Variants in LRRC4C observed in about 807,000 individuals in gnomAD.
The protein encoded by LRRC4C is leucine rich repeat containing 4C, also known as leucine-rich repeat-containing protein 4C.
A neutral mutation model predicts 33.6 loss-of-function variants in LRRC4C; 5 were observed. That is an observed-to-expected ratio of 0.15 (90% CI 0.08 to 0.31). The LOEUF is 0.31. LRRC4C is among the 10% of genes least tolerant of loss of function. The pLI, the probability that LRRC4C is intolerant of heterozygous loss-of-function variation, is 1.00. For missense variants in LRRC4C, 560 were observed against 796.7 expected (o/e 0.70, Z 3.58); for synonymous variants, 329 against 302.0 (o/e 1.09, Z -0.93).
intron 3 of LRRC4C, among the ~76,000 whole-genome samples, chr11:40,634,996 T>TAA (rs144142545): frequency 6.8e-6 from 1 of 147,962 alleles, no homozygotes; most frequent in South Asian, 2.1e-4. Flanking sequence ...TTAGGAAATT[T>TAA]AAAAAAAAAA....
intron 3 of LRRC4C, among the ~76,000 whole-genome samples, chr11:40,397,141 A>G (rs1182368505): frequency 1.3e-5 from 2 of 152,122 alleles, no homozygotes; most frequent in Non-Finnish European, 2.9e-5. Flanking sequence ...TGTAACGTAT[A>G]TTTAAATGAT....
In LRRC4C at chr11:40,138,170, C is replaced by CT. The variant is rs61229648; in HGVS notation, c.-43+2630dup. 1.2e-3 allele frequency among the ~76,000 whole-genome samples: 177 copies of CT among 141,712 alleles called. 1 individual carries two copies. Among genetic ancestry groups the CT allele is most frequent in the East Asian group, 2.5e-3 (12 of 4,856 alleles). The allele number at this position is 141,712 out of a possible 152,430, so 93.0% of individuals were successfully genotyped here. On this transcript the variant is annotated intron_variant, in intron 6 of 6. Coordinates refer to ENST00000528697, the MANE Select transcript of LRRC4C (RefSeq NM_001258419.2). ...CGTAAATTTGGATGTGACATTTTTT[C>CT]TTTTTTTTTTTTTTAGAGATGGAGT... is the stretch of plus-strand genomic sequence containing the variant.
chr11:40,900,192 ATAATG>A (rs980683146), intron 2 of LRRC4C, among the ~76,000 whole-genome samples: 13 of 152,176 alleles, frequency 8.5e-5, no homozygotes, highest in African/African-American at 3.1e-4. Context: ...CTACAAAATT[ATAATG>A]TATTTTCCAT....
chr11:40,973,440 T>G (rs1851873393), intron 1 of LRRC4C, among the ~76,000 whole-genome samples: 1 of 152,108 alleles, frequency 6.6e-6, no homozygotes, highest in African/African-American at 2.4e-5. Flanking sequence ...TATGAAGAGT[T>G]TTTCTCGAGG....
At chr11:40,824,151 G>A (rs1591813128) in intron 2 of LRRC4C, among the ~76,000 whole-genome samples, 2 of 151,880 alleles carry the variant, frequency 1.3e-5, no homozygotes, top group South Asian at 4.2e-4. Flanking sequence ...AGAAATGGGA[G>A]GTATCTGCAA....
intron 2 of LRRC4C, among the ~76,000 whole-genome samples, chr11:40,925,308 G>A (rs1957368426): frequency 6.6e-6 from 1 of 152,176 alleles, no homozygotes; most frequent in Non-Finnish European, 1.5e-5. Flanking sequence ...TGATGTATGA[G>A]CAGATGTGTC....
intron 2 of LRRC4C, among the ~76,000 whole-genome samples, chr11:40,900,252 G>A (rs1046753306): frequency 6.6e-6 from 1 of 152,080 alleles, no homozygotes; most frequent in Non-Finnish European, 1.5e-5. Flanking sequence ...GCCAGTTGGA[G>A]CACCTTCAGG....
chr11:40,682,573 C>T (rs1201094935), intron 2 of LRRC4C, among the ~76,000 whole-genome samples: 7 of 151,816 alleles, frequency 4.6e-5, no homozygotes, highest in Non-Finnish European at 1.0e-4. Flanking sequence ...ATCAGGAGTT[C>T]GAGACCAGCC....
chr11:40,652,645 A>C (rs961582870), intron 2 of LRRC4C, among the ~76,000 whole-genome samples: 1 of 152,252 alleles, frequency 6.6e-6, no homozygotes, highest in East Asian at 1.9e-4. Flanking sequence ...TCTCACGTCC[A>C]GCTAGGAGCA....
chr11:40,200,180 T>TAAAAAAAAAAAAAAAAAAAAAAAAAAAA (rs56269292), intron 5 of LRRC4C, among the ~76,000 whole-genome samples: 4 of 26,046 alleles, frequency 1.5e-4, no homozygotes, highest in Non-Finnish European at 2.8e-4. Context: ...CTGTCTCCAC[T>TAAAAAAAAAAAAAAAAAAAAAAAAAAAA]AAAAAAAAAA....
At chr11:40,624,892 G>A (rs1233699169) in intron 3 of LRRC4C, among the ~76,000 whole-genome samples, 2 of 152,000 alleles carry the variant, frequency 1.3e-5, no homozygotes, top group Non-Finnish European at 2.9e-5. Context: ...TTTAAAATAA[G>A]CCCTTTAAGG....
At chr11:40,466,868 T>C (rs1416532403) in intron 3 of LRRC4C, among the ~76,000 whole-genome samples, 1 of 152,108 alleles carries the variant, frequency 6.6e-6, no homozygotes, top group Non-Finnish European at 1.5e-5. Flanking sequence ...TTTTGTTCAT[T>C]TCAGTTTAAA....
In LRRC4C at chr11:41,040,991, A is replaced by G. The variant is rs531797679; in HGVS notation, c.-495-107268T>C. Reference sequence around the variant, plus strand: ...CACACCATCACACCACCTGGGTTTAAAAAACATTAAATTGAATCTCATGGA... The same window carrying G: ...CACACCATCACACCACCTGGGTTTAGAAAACATTAAATTGAATCTCATGGA... On this transcript the variant is annotated intron_variant, in intron 1 of 6. Coordinates refer to ENST00000528697, the MANE Select transcript of LRRC4C (RefSeq NM_001258419.2). Among the ~76,000 whole-genome samples, 9 of 152,322 alleles carry G rather than the reference A, an allele frequency of 5.9e-5. No individual in the cohort carries two copies. The South Asian group carries it at 1.9e-3, about 32-fold the overall frequency.
chr11:41,152,839 G>T (rs959141022), intron 1 of LRRC4C, among the ~76,000 whole-genome samples: 37 of 152,044 alleles, frequency 2.4e-4, no homozygotes, highest in African/African-American at 8.9e-4. Flanking sequence ...GTAGAAGGTT[G>T]GTCTCCTTTC....
At chr11:41,323,820 G>A (rs1951027445) in intron 1 of LRRC4C, among the ~76,000 whole-genome samples, 2 of 151,866 alleles carry the variant, frequency 1.3e-5, no homozygotes, top group African/African-American at 4.8e-5. Flanking sequence ...TTTGGGAGAT[G>A]GGTTTATATC....
intron 2 of LRRC4C, among the ~76,000 whole-genome samples, chr11:40,724,018 G>T (rs530495036): frequency 1.1e-4 from 17 of 151,802 alleles, no homozygotes; most frequent in South Asian, 2.1e-4. Context: ...GACAAAGAAG[G>T]TTATTACATA....
chr11:40,811,269 T>C (rs1450129303), intron 2 of LRRC4C, among the ~76,000 whole-genome samples: 1 of 152,304 alleles, frequency 6.6e-6, no homozygotes, highest in East Asian at 1.9e-4. Context: ...ACTATTATAA[T>C]TTCTTACTTT....
chr11:40,369,703 T>A (rs974066517), intron 3 of LRRC4C, among the ~76,000 whole-genome samples: 1 of 152,236 alleles, frequency 6.6e-6, no homozygotes, highest in Non-Finnish European at 1.5e-5. Context: ...ATATATTTAT[T>A]GTGTACAATA....
chr11:41,384,896 C>A (rs1239206354), intron 1 of LRRC4C, among the ~76,000 whole-genome samples: 1 of 148,656 alleles, frequency 6.7e-6, no homozygotes, highest in Non-Finnish European at 1.5e-5. Flanking sequence ...TTTTGGGGAG[C>A]TTTTAAAATG....
Sources: gnomAD v4.1 joint callset for allele counts (sites outside exome capture counted in the v4.1 genomes callset) on GRCh38, gnomAD v4.1.1 for gene constraint, MANE v1.5 for transcripts, NCBI Gene and HGNC (gene_info 2026-07-23, HGNC 2026-07-21) for gene names.